Variants in PLD1 observed in about 807,000 individuals in gnomAD.
PLD1 encodes the protein phospholipase D1.
Under a neutral mutation model 137.1 loss-of-function variants are expected in PLD1, and 112 were observed. The ratio of observed to expected loss-of-function variants is 0.82; its 90% CI spans 0.70 to 0.96. PLD1 has a LOEUF of 0.96. Among genes scored for constraint, PLD1 ranks in the 40% least tolerant of loss-of-function variants. The probability of loss-of-function intolerance (pLI) is 0.00; values close to 1 mark genes in which losing one functional copy is unlikely to be tolerated. For synonymous variants in PLD1, 431 were observed against 454.7 expected, an observed-to-expected ratio of 0.95 and a Z score of 0.66; for missense variants, 1,321 against 1,342.0, an observed-to-expected ratio of 0.98 and a Z score of 0.24.
At chr3:171,776,834 C>A (rs886513807) in intron 1 of PLD1, among the ~76,000 whole-genome samples, 22 of 152,140 alleles carry the variant, frequency 1.4e-4, no homozygotes, top group Admixed American at 3.3e-4. Context: ...TGTAACTTGG[C>A]AATAACAATA....
At position 171,619,723 on chromosome 3, in the gene PLD1, T is replaced by C. The variant is rs138079524; in HGVS notation, c.2728+663A>G. 7.4e-4 allele frequency among the ~76,000 whole-genome samples: 113 copies of C among 152,314 alleles called. 2 individuals carry two copies. In the East Asian group the frequency reaches 0.017, roughly 23 times the overall value. On this transcript the variant is annotated intron_variant, in intron 24 of 26. Coordinates refer to ENST00000351298, the MANE Select transcript of PLD1 (RefSeq NM_002662.5). ...CGAATTACCACAAGGTACTCACTTA[T>C]GACACACTTTCCCTCCCCATTTATC...
chr3:171,716,021 T>C (rs1349200596), intron 8 of PLD1, among the ~76,000 whole-genome samples: 1 of 151,650 alleles, frequency 6.6e-6, no homozygotes, highest in South Asian at 2.1e-4. Context: ...ACAGGTGGTA[T>C]TGGGTTTCCT....
chr3:171,733,286 G>A (rs770480061), intron 6 of PLD1, among the ~76,000 whole-genome samples, 158 bp downstream of exon 6: 1 of 152,198 alleles, frequency 6.6e-6, no homozygotes, highest in Non-Finnish European at 1.5e-5. Flanking sequence ...CTGGATCCTT[G>A]CTGTAAAATC....
chr3:171,634,186 A>C (rs1334143234), intron 23 of PLD1, among the ~76,000 whole-genome samples: 1 of 152,194 alleles, frequency 6.6e-6, no homozygotes, highest in African/African-American at 2.4e-5. Context: ...GTACTTGGAA[A>C]TCTTTTCATA....
chr3:171,808,411 C>A (rs2108364040), intron 1 of PLD1, among the ~76,000 whole-genome samples: 1 of 152,196 alleles, frequency 6.6e-6, no homozygotes, highest in African/African-American at 2.4e-5. Flanking sequence ...CAGCAGGCGC[C>A]TGTTTTCCCA....
intron 23 of PLD1, among the ~76,000 whole-genome samples, chr3:171,623,664 T>TA (rs35365001): frequency 0.15 from 22,321 of 151,844 alleles, 2,180 homozygotes; most frequent in Admixed American, 0.2. Context: ...TCTGTATAAT[T>TA]AAAACAGTGC....
intron 21 of PLD1, among the ~76,000 whole-genome samples, chr3:171,650,475 T>C (rs948536931): frequency 6.6e-6 from 1 of 152,122 alleles, no homozygotes; most frequent in African/African-American, 2.4e-5. Flanking sequence ...TCAACATCAG[T>C]GTCTGGAAGC....
chr3:171,703,937 C>T (rs28711733), intron 11 of PLD1, among the ~76,000 whole-genome samples: 14,853 of 152,166 alleles, frequency 0.098, 2,130 homozygotes, highest in African/African-American at 0.32. Context: ...TGTAAATACA[C>T]CTGGCTTGGC....
At chr3:171,777,981 CAA>C (rs1267316414) in intron 1 of PLD1, among the ~76,000 whole-genome samples, 1 of 152,196 alleles carries the variant, frequency 6.6e-6, no homozygotes. Context: ...CTACATATTA[CAA>C]GTTATACCTC....
chr3:171,785,236 G>T (rs922434370), intron 1 of PLD1, among the ~76,000 whole-genome samples: 1 of 152,086 alleles, frequency 6.6e-6, no homozygotes, highest in Non-Finnish European at 1.5e-5. Flanking sequence ...GACCGAATAC[G>T]GTATGAGTTA....
chr3:171,619,428 GAA>G (rs1209770781), intron 24 of PLD1, among the ~76,000 whole-genome samples: 2 of 152,168 alleles, frequency 1.3e-5, no homozygotes, highest in Admixed American at 6.5e-5. Flanking sequence ...GAGGCCTTTG[GAA>G]AAGTCTCCTG....
chr3:171,691,629 T>G (rs967194556), intron 13 of PLD1, among the ~76,000 whole-genome samples: 9 of 152,208 alleles, frequency 5.9e-5, no homozygotes, highest in African/African-American at 1.9e-4. Context: ...CAAAATTACA[T>G]CTTTAGTGGG....
chr3:171,742,250 G>A (rs970374695), intron 1 of PLD1, among the ~76,000 whole-genome samples: 21 of 152,168 alleles, frequency 1.4e-4, no homozygotes, highest in African/African-American at 4.8e-4. Context: ...TTTAAAGTCA[G>A]GGTCTTGCTC....
intron 1 of PLD1, among the ~76,000 whole-genome samples, chr3:171,781,179 G>A (rs558573651): frequency 6.6e-5 from 10 of 151,800 alleles, no homozygotes; most frequent in East Asian, 3.9e-4. Context: ...ATGGTCACTC[G>A]ATTTTCATGA....
chr3:171,798,391 C>T (rs1054946679), intron 1 of PLD1, among the ~76,000 whole-genome samples: 1 of 152,152 alleles, frequency 6.6e-6, no homozygotes, highest in African/African-American at 2.4e-5. Context: ...TTACAGACTC[C>T]TTGAGTCCTT....
intron 11 of PLD1, among the ~76,000 whole-genome samples, chr3:171,701,642 GA>G (rs980993131): frequency 6.6e-6 from 1 of 152,008 alleles, no homozygotes; most frequent in African/African-American, 2.4e-5. Flanking sequence ...TGCATAAAAA[GA>G]AAAAAAGATT....
intron 23 of PLD1, among the ~76,000 whole-genome samples, chr3:171,642,457 C>CAAAAAAAAAAA (rs1230947984): frequency 3.0e-5 from 1 of 33,028 alleles, no homozygotes; most frequent in African/African-American, 1.2e-4. Context: ...AACCCAGTCT[C>CAAAAAAAAAAA]AAAAAAAAAA....
intron 12 of PLD1, among the ~76,000 whole-genome samples, chr3:171,698,477 C>T (rs1715952593): frequency 6.6e-6 from 1 of 151,604 alleles, no homozygotes; most frequent in Non-Finnish European, 1.5e-5. Flanking sequence ...TGTGGATATC[C>T]CCAGAAATAC....
chr3:171,797,808 AACTG>A (rs1723490596), intron 1 of PLD1, among the ~76,000 whole-genome samples: 1 of 152,204 alleles, frequency 6.6e-6, no homozygotes, highest in Admixed American at 6.5e-5. Context: ...TCTTATTTAA[AACTG>A]ACTGAAGTTG....
Sources: allele counts gnomAD v4.1 joint callset (sites outside exome capture counted in the v4.1 genomes callset), GRCh38; gene constraint gnomAD v4.1.1; transcripts MANE v1.5; gene names NCBI Gene and HGNC (gene_info 2026-07-23, HGNC 2026-07-21).